Variants in CHCHD3 observed in about 807,000 individuals in gnomAD.
CHCHD3 encodes the protein MICOS complex subunit MIC19.
CHCHD3 carries 20 observed loss-of-function variants against 38.2 expected under a neutral mutation model. That is an observed-to-expected ratio of 0.52 (90% CI 0.37 to 0.76). The LOEUF is 0.76. CHCHD3 is among the 30% of genes least tolerant of loss of function. The pLI, the probability that CHCHD3 is intolerant of heterozygous loss-of-function variation, is 0.00. For missense variants in CHCHD3, 245 were observed against 279.2 expected (o/e 0.88, Z 0.87); for synonymous variants, 82 against 100.0 (o/e 0.82, Z 1.07).
At chr7:133,068,580 T>C (rs920071807) in intron 2 of CHCHD3, among the ~76,000 whole-genome samples, 1 of 152,218 alleles carries the variant, frequency 6.6e-6, no homozygotes, top group Non-Finnish European at 1.5e-5. Flanking sequence ...TGAGGACTTC[T>C]GTGTGCACAG....
chr7:132,960,974 C>CA lies in CHCHD3; in HGVS notation c.369+14194dup, dbSNP rs576319883. Among the ~76,000 whole-genome samples, 18 of 151,998 alleles carry CA rather than the reference C, an allele frequency of 1.2e-4. 1 individual carries two copies. The South Asian group carries it at 3.8e-3, about 32-fold the overall frequency. Reference sequence around the variant, plus strand: ...TGTGTGACAGACTCTATCGCCAAAACAAAAAACAAACAAAAAAAGGGGCTC... The same window carrying CA: ...TGTGTGACAGACTCTATCGCCAAAACAAAAAAACAAACAAAAAAAGGGGCTC... On this transcript the variant is annotated intron_variant, in intron 4 of 7. Transcript: ENST00000262570.
At chr7:132,960,741 G>C (rs1353089520) in intron 4 of CHCHD3, among the ~76,000 whole-genome samples, 1 of 152,166 alleles carries the variant, frequency 6.6e-6, no homozygotes, top group East Asian at 1.9e-4. Context: ...ACTTTGGGAA[G>C]CCAAGGCATG....
At chr7:132,862,405 C>T (rs1808519337) in intron 5 of CHCHD3, among the ~76,000 whole-genome samples, 1 of 152,174 alleles carries the variant, frequency 6.6e-6, no homozygotes, top group Admixed American at 6.5e-5. Flanking sequence ...TTATAATACA[C>T]TGTAGTCTGT....
Position 132,835,853 on chromosome 7 carries a change from C to T in CHCHD3, c.524+2546G>A, listed in dbSNP as rs543636460. Among the ~76,000 whole-genome samples the T allele has an allele frequency of 2.3e-3, 348 of 152,198 alleles. 2 individuals are homozygous for T. Among genetic ancestry groups the T allele is most frequent in the Non-Finnish European group, 3.5e-3 (241 of 68,020 alleles). ...TGAGGTCACAAGGGAGGGTTTTAGT[C>T]TAATATGACTGGTATTCTTGTAAGA... On this transcript the variant is annotated intron_variant, in intron 6 of 7. Coordinates refer to ENST00000262570, the MANE Select transcript of CHCHD3 (RefSeq NM_017812.4).
chr7:133,063,500 G>T (rs1281081118), intron 2 of CHCHD3, among the ~76,000 whole-genome samples: 1 of 152,056 alleles, frequency 6.6e-6, no homozygotes, highest in Non-Finnish European at 1.5e-5. Flanking sequence ...CGCATTTGAG[G>T]GCAACTTTCT....
intron 6 of CHCHD3, among the ~76,000 whole-genome samples, chr7:132,820,489 A>G (rs1004293713): frequency 2.0e-5 from 3 of 152,154 alleles, no homozygotes; most frequent in Non-Finnish European, 4.4e-5. Context: ...CTCACTCTCT[A>G]TAGGAATTTA....
intron 2 of CHCHD3, among the ~76,000 whole-genome samples, chr7:133,069,434 C>G (rs1256113392): frequency 1.3e-5 from 2 of 152,070 alleles, no homozygotes; most frequent in African/African-American, 4.8e-5. Context: ...CTCACTTAGT[C>G]CAAAATTAAT....
At chr7:133,073,906 T>A (rs1029498865) in intron 1 of CHCHD3, among the ~76,000 whole-genome samples, 1 of 152,180 alleles carries the variant, frequency 6.6e-6, no homozygotes, top group Non-Finnish European at 1.5e-5. Context: ...TCTACGTCCA[T>A]CTCCTTGCCT....
intron 4 of CHCHD3, among the ~76,000 whole-genome samples, chr7:132,963,580 G>C (rs10256205): frequency 6.7e-6 from 1 of 149,958 alleles, no homozygotes; most frequent in Non-Finnish European, 1.5e-5. Flanking sequence ...AGTGAGCGGA[G>C]ACTGCACCAC....
intron 4 of CHCHD3, among the ~76,000 whole-genome samples, chr7:132,907,657 CT>C (rs1403418807): frequency 2.6e-5 from 4 of 152,232 alleles, no homozygotes; most frequent in South Asian, 2.1e-4. Context: ...GGACTTCATC[CT>C]GTAGGCCATG....
At chr7:132,852,772 T>C (rs1006227607) in intron 5 of CHCHD3, among the ~76,000 whole-genome samples, 4 of 152,176 alleles carry the variant, frequency 2.6e-5, no homozygotes, top group Non-Finnish European at 4.4e-5. Flanking sequence ...AAAGGAATCC[T>C]GAGGAGAGTA....
chr7:132,785,254 C>A lies in CHCHD3; in HGVS notation c.*383G>T, dbSNP rs928476506. On this transcript the variant is annotated 3_prime_UTR_variant, in exon 8 of 8. Transcript: ENST00000262570. ...CTCGCCCCACTCCAATTAATTTAGC[C>A]CCCAACCCCATCCTACTTTGTTAGG... 5.0e-5 allele frequency: 10 copies of A among 201,736 alleles called. No homozygotes were observed. Among genetic ancestry groups the A allele is most frequent in the Non-Finnish European group, 1.0e-4 (10 of 100,084 alleles). 12.5% of individuals were successfully genotyped at this position (201,736 alleles called of 1,614,324 possible). A position where few individuals can be genotyped will look rare whatever the true frequency, so the allele number is the denominator to read the frequency against.
chr7:132,796,707 A>C, intron 6 of CHCHD3, 130 bp from the exon 7 acceptor site: 1 of 794,598 alleles, frequency 1.3e-6, no homozygotes, highest in Non-Finnish European at 1.9e-6. Flanking sequence ...AAGAGAAAGA[A>C]TTTTCCTTAA....
At chr7:133,034,853 G>A (rs1348605441) in intron 2 of CHCHD3, 11 of 1,610,502 alleles carry the variant, frequency 6.8e-6, no homozygotes, top group Non-Finnish European at 8.5e-6. Flanking sequence ...CACTGGCGAA[G>A]GCATTCTTCC....
At chr7:132,930,327 C>T (rs958550357) in intron 4 of CHCHD3, among the ~76,000 whole-genome samples, 3 of 151,848 alleles carry the variant, frequency 2.0e-5, no homozygotes, top group Non-Finnish European at 4.4e-5. Context: ...CCACCATGCC[C>T]GGCTAATTTT....
At chr7:132,967,963 G>A (rs1346619497) in intron 4 of CHCHD3, among the ~76,000 whole-genome samples, 1 of 152,176 alleles carries the variant, frequency 6.6e-6, no homozygotes, top group African/African-American at 2.4e-5. Flanking sequence ...TGTAATCGCA[G>A]TCCTATTCAT....
chr7:133,024,333 T>C (rs1309775519), intron 3 of CHCHD3, among the ~76,000 whole-genome samples: 1 of 152,174 alleles, frequency 6.6e-6, no homozygotes, highest in Non-Finnish European at 1.5e-5. Flanking sequence ...ACAAGAGATA[T>C]AATGGTAATT....
rs143696789 is a variant in CHCHD3 at position 132,924,764 on chromosome 7, A to G, written c.370-39019T>C. ...CCTTTAAGATGTGTATCTTTGGCAC[A>G]TGCATCAAAATGTATGAAACACCAA... On this transcript the variant is annotated intron_variant, in intron 4 of 7. Transcript: ENST00000262570. Among the ~76,000 whole-genome samples the G allele has an allele frequency of 1.8e-4, 27 of 152,334 alleles. No homozygotes were observed. In the East Asian group the frequency reaches 5.0e-3, roughly 28 times the overall value.
At chr7:133,045,576 A>T (rs1482418085) in intron 2 of CHCHD3, among the ~76,000 whole-genome samples, 7 of 152,374 alleles carry the variant, frequency 4.6e-5, no homozygotes, top group Middle Eastern at 3.4e-3. Flanking sequence ...TGACTAGAAC[A>T]TTAAGAAACA....
Sources: gnomAD v4.1 joint callset for allele counts (sites outside exome capture counted in the v4.1 genomes callset) on GRCh38, gnomAD v4.1.1 for gene constraint, MANE v1.5 for transcripts, NCBI Gene and HGNC (gene_info 2026-07-23, HGNC 2026-07-21) for gene names.